The following PCDH15 variants were observed in gnomAD, a reference collection of about 807,000 sequenced individuals.
PCDH15 encodes the protein protocadherin related 15, also known as protocadherin-15.
Under a neutral mutation model 178.5 loss-of-function variants are expected in PCDH15, and 129 were observed. The observed-to-expected ratio is 0.72, with a 90% CI of 0.63 to 0.84. The LOEUF (loss-of-function observed/expected upper bound fraction) is 0.84, where lower values mean the gene tolerates loss of function less well. Among genes scored for constraint, PCDH15 ranks in the 40% least tolerant of loss-of-function variants. The pLI is 0.00. For missense variants in PCDH15, 2,230 were observed against 2,099.9 expected (o/e 1.06, Z -1.21); for synonymous variants, 800 against 732.0 (o/e 1.09, Z -1.50).
chr10:54,989,291 T>C (rs1839446747), intron 2 of PCDH15, among the ~76,000 whole-genome samples: 1 of 151,548 alleles, frequency 6.6e-6, no homozygotes, highest in Non-Finnish European at 1.5e-5. Context: ...CCACACAGAG[T>C]CCCTACTCGG....
At chr10:54,876,039 CT>C (rs1240146297) in intron 3 of PCDH15, among the ~76,000 whole-genome samples, 1 of 152,088 alleles carries the variant, frequency 6.6e-6, no homozygotes, top group African/African-American at 2.4e-5. Context: ...GGCTAACTCC[CT>C]TGTTAGAAGC....
intron 2 of PCDH15, among the ~76,000 whole-genome samples, chr10:54,570,213 A>G (rs1482695119): frequency 6.6e-6 from 1 of 152,060 alleles, no homozygotes; most frequent in African/African-American, 2.4e-5. Flanking sequence ...GCAAAAGGAA[A>G]GTGTCTGGCT....
intron 4 of PCDH15, among the ~76,000 whole-genome samples, chr10:54,372,713 TCAAA>T (rs145278714): frequency 0.018 from 2,712 of 151,900 alleles, 86 homozygotes; most frequent in African/African-American, 0.062. Flanking sequence ...GCTTTATTCA[TCAAA>T]CAAAGAAGAA....
chr10:55,169,369 A>G (rs1839273171), intron 1 of PCDH15, among the ~76,000 whole-genome samples: 1 of 152,192 alleles, frequency 6.6e-6, no homozygotes, highest in Non-Finnish European at 1.5e-5. Flanking sequence ...CCTTTAAAAA[A>G]TGTGTTATTC....
intron 2 of PCDH15, among the ~76,000 whole-genome samples, chr10:55,003,761 C>A (rs1359569290): frequency 6.6e-6 from 1 of 152,178 alleles, no homozygotes; most frequent in East Asian, 1.9e-4. Context: ...CTTTATGGAG[C>A]TGATGAGACC....
chr10:53,808,541 ATATT>A (rs1331434077), intron 37 of PCDH15: 3 of 1,439,226 alleles, frequency 2.1e-6, no homozygotes, highest in Non-Finnish European at 2.7e-6. Flanking sequence ...GACAACATAT[ATATT>A]CACTTTTCTG....
chr10:54,919,731 C>T (rs1012285138), intron 2 of PCDH15, among the ~76,000 whole-genome samples: 3 of 152,120 alleles, frequency 2.0e-5, no homozygotes, highest in Non-Finnish European at 4.4e-5. Context: ...CTTGCATTGT[C>T]CTCCAACCAT....
At chr10:54,378,012 A>G (rs1565124152) in intron 4 of PCDH15, among the ~76,000 whole-genome samples, 1 of 151,824 alleles carries the variant, frequency 6.6e-6, no homozygotes, top group Non-Finnish European at 1.5e-5. Context: ...TCCACTCCCC[A>G]ACCCCAAGCT....
intron 13 of PCDH15, among the ~76,000 whole-genome samples, chr10:54,182,104 C>T (rs1314886010): frequency 6.6e-6 from 1 of 152,114 alleles, no homozygotes; most frequent in Non-Finnish European, 1.5e-5. Flanking sequence ...ACTACAGGCG[C>T]ATGCCGCCAC....
intron 3 of PCDH15, among the ~76,000 whole-genome samples, chr10:54,494,052 C>T (rs1189139102): frequency 7.7e-6 from 1 of 129,632 alleles, no homozygotes; most frequent in Non-Finnish European, 1.5e-5. Flanking sequence ...CACATGGACA[C>T]AGGAAGGGGA....
chr10:54,848,673 A>C (rs1055365418), intron 3 of PCDH15, among the ~76,000 whole-genome samples: 4 of 152,208 alleles, frequency 2.6e-5, no homozygotes, highest in Non-Finnish European at 4.4e-5. Context: ...ATGCAATAGA[A>C]AACAGACTAG....
At chr10:54,556,756 C>A (rs2087334870) in intron 2 of PCDH15, among the ~76,000 whole-genome samples, 1 of 151,066 alleles carries the variant, frequency 6.6e-6, no homozygotes, top group Non-Finnish European at 1.5e-5. Context: ...CAATGGGTTC[C>A]CAATATTACT....
chr10:53,866,371 C>T (rs1415529837), intron 27 of PCDH15, among the ~76,000 whole-genome samples: 1 of 151,314 alleles, frequency 6.6e-6, no homozygotes, highest in Non-Finnish European at 1.5e-5. Context: ...TTTGCTGTTA[C>T]AATCATATTT....
chr10:53,898,292 G>A (rs1208149226), intron 26 of PCDH15, among the ~76,000 whole-genome samples: 1 of 152,062 alleles, frequency 6.6e-6, no homozygotes, highest in East Asian at 1.9e-4. Context: ...CTAATTTTTA[G>A]TTGTTGTAAA....
At chr10:55,340,947 C>A (rs942933963) in intron 2 of PCDH15, among the ~76,000 whole-genome samples, 1 of 151,776 alleles carries the variant, frequency 6.6e-6, no homozygotes, top group Admixed American at 6.6e-5. Context: ...GTCAAAATAC[C>A]CCAGGATTCC....
chr10:55,383,272 C>T (rs1413755502), intron 2 of PCDH15, among the ~76,000 whole-genome samples: 2 of 92,806 alleles, frequency 2.2e-5, no homozygotes, highest in African/African-American at 1.0e-4. Context: ...CATGCAGTTG[C>T]TTCTTCTCTC....
chr10:55,209,320 G>C (rs534450861), intron 1 of PCDH15, among the ~76,000 whole-genome samples: 52 of 152,110 alleles, frequency 3.4e-4, no homozygotes, highest in Admixed American at 1.6e-3. Flanking sequence ...GCAATGAAAA[G>C]ACATCAGATG....
chr10:53,817,465 T>A (rs1182491781), intron 34 of PCDH15, among the ~76,000 whole-genome samples: 1 of 151,754 alleles, frequency 6.6e-6, no homozygotes, highest in Non-Finnish European at 1.5e-5. Flanking sequence ...GGTAAAAAGA[T>A]CAAAAGTTAA....
chr10:55,066,004 A>G (rs1182734012), intron 2 of PCDH15, among the ~76,000 whole-genome samples: 1 of 151,994 alleles, frequency 6.6e-6, no homozygotes, highest in Non-Finnish European at 1.5e-5. Flanking sequence ...TTCCCCAAAC[A>G]CAGTATTTTC....
Sources: allele counts gnomAD v4.1 joint callset (sites outside exome capture counted in the v4.1 genomes callset), GRCh38; gene constraint gnomAD v4.1.1; transcripts MANE v1.5; gene names NCBI Gene and HGNC (gene_info 2026-07-23, HGNC 2026-07-21).